The following PDE3B variants were observed in gnomAD, a reference collection of about 807,000 sequenced individuals.
PDE3B encodes phosphodiesterase 3B.
In PDE3B, 66 loss-of-function variants were observed where a neutral mutation model predicts 116.8. The observed-to-expected ratio is 0.56, with a 90% confidence interval of 0.46 to 0.69. PDE3B has a LOEUF of 0.69. Among genes scored for constraint, PDE3B ranks in the 30% least tolerant of loss-of-function variants. The pLI, the probability that PDE3B is intolerant of heterozygous loss-of-function variation, is 0.00. For synonymous variants in PDE3B, 595 were observed against 533.6 expected (o/e 1.12, Z -1.59); for missense variants, 1,384 against 1,368.1 (o/e 1.01, Z -0.18).
At chr11:14,714,041 G>T (rs1200331979) in intron 1 of PDE3B, among the ~76,000 whole-genome samples, 1 of 152,262 alleles carries the variant, frequency 6.6e-6, no homozygotes, top group Admixed American at 6.5e-5. Context: ...TGTGGTAGTG[G>T]CAGTGGCAGT....
At chr11:14,842,725 A>G (rs950901999) in intron 11 of PDE3B, among the ~76,000 whole-genome samples, 1 of 152,198 alleles carries the variant, frequency 6.6e-6, no homozygotes, top group Non-Finnish European at 1.5e-5. Context: ...CTGCACTCCA[A>G]CCTGGGCATC....
intron 5 of PDE3B, among the ~76,000 whole-genome samples, chr11:14,806,675 T>C (rs1858936397): frequency 6.6e-6 from 1 of 150,836 alleles, no homozygotes; most frequent in East Asian, 2.0e-4. Flanking sequence ...CCGGCTAAAA[T>C]GGTGAAACCC....
At position 14,843,849 on chromosome 11, in the gene PDE3B, T is replaced by C. The variant is rs1220478484; in HGVS notation, c.2343T>C (p.His781=). 11 of 1,613,800 alleles carry C rather than the reference T, an allele frequency of 6.8e-6. No individual in the cohort carries two copies. Among genetic ancestry groups the C allele is most frequent in the Non-Finnish European group, 8.5e-6 (10 of 1,179,656 alleles). The stretch of plus-strand genomic sequence containing the variant: ...CAGATTCTGATGGTAGAATTAACCA[T>C]GGGCGAATTGCTTATATTTCTTCGA... The part of the protein sequence containing the change: ...NETDSDGRIN[H]GRIAYISSKS... The change falls in exon 12 of 16, where the codon CAT becomes CAC. Residue 781 remains histidine (H), a synonymous_variant. Transcript: ENST00000282096.
At chr11:14,715,827 C>T (rs189229031) in intron 1 of PDE3B, among the ~76,000 whole-genome samples, 28 of 152,122 alleles carry the variant, frequency 1.8e-4, no homozygotes, top group Non-Finnish European at 1.5e-4. Context: ...GGCATTGCGA[C>T]ACTATTAACA....
intron 1 of PDE3B, among the ~76,000 whole-genome samples, chr11:14,700,218 A>G (rs957553133): frequency 6.6e-6 from 1 of 151,790 alleles, no homozygotes; most frequent in Non-Finnish European, 1.5e-5. Context: ...TATGAAAATT[A>G]AGAGTTTCAT....
At chr11:14,750,044 C>T (rs551613598) in intron 1 of PDE3B, among the ~76,000 whole-genome samples, 1 of 150,888 alleles carries the variant, frequency 6.6e-6, no homozygotes, top group East Asian at 2.0e-4. Context: ...TGTTTCAGTC[C>T]AGTTCTAAAG....
intron 1 of PDE3B, among the ~76,000 whole-genome samples, chr11:14,667,318 A>C (rs1006843539): frequency 5.4e-4 from 82 of 151,504 alleles, no homozygotes; most frequent in Middle Eastern, 3.4e-3. Context: ...TAGCATTAGG[A>C]GATACACCTA....
At chr11:14,862,361 AATTT>A (rs1354619239) in intron 14 of PDE3B, among the ~76,000 whole-genome samples, 3 of 152,132 alleles carry the variant, frequency 2.0e-5, no homozygotes, top group Admixed American at 2.0e-4. Flanking sequence ...AACCTAGAAG[AATTT>A]ATTTCCAGAT....
At chr11:14,888,663 A>G in the PDE3B span, among the ~76,000 whole-genome samples, 1 of 152,144 alleles carries the variant, frequency 6.6e-6, no homozygotes, top group African/African-American at 2.4e-5. Flanking sequence ...AACCAGAAAC[A>G]TTCATATTCT....
At position 14,711,495 on chromosome 11, in the gene PDE3B, G is replaced by A. The variant is rs1371497187; in HGVS notation, c.979-60442G>A. Among the ~76,000 whole-genome samples the A allele has an allele frequency of 2.0e-5, 3 of 152,260 alleles. No individual in the cohort carries two copies. In the East Asian group the frequency reaches 5.8e-4, roughly 29 times the overall value. ...GCATAGTGCTGGCATCTGCTTCTGG[G>A]GAGGCCTCAGGAAGTTTTACTCATG... is the stretch of plus-strand genomic sequence containing the variant. On this transcript the variant is annotated intron_variant, in intron 1 of 15. Coordinates refer to ENST00000282096, the MANE Select transcript of PDE3B (RefSeq NM_000922.4).
At chr11:14,763,477 A>G (rs1388286354) in intron 1 of PDE3B, among the ~76,000 whole-genome samples, 1 of 152,052 alleles carries the variant, frequency 6.6e-6, no homozygotes, top group Non-Finnish European at 1.5e-5. Context: ...GCCGGGTGAA[A>G]GTATGATCAT....
At chr11:14,890,281 C>G in the PDE3B span, among the ~76,000 whole-genome samples, 1 of 151,344 alleles carries the variant, frequency 6.6e-6, no homozygotes, top group East Asian at 1.9e-4. Flanking sequence ...GACCTCTAGT[C>G]TTATGCTTTC....
At chr11:14,726,710 G>C (rs1369559837) in intron 1 of PDE3B, among the ~76,000 whole-genome samples, 2 of 152,148 alleles carry the variant, frequency 1.3e-5, no homozygotes, top group African/African-American at 4.8e-5. Flanking sequence ...AATGCTTACA[G>C]GCTGGATTAA....
intron 1 of PDE3B, among the ~76,000 whole-genome samples, chr11:14,731,415 C>G (rs1183572505): frequency 6.6e-6 from 1 of 151,856 alleles, no homozygotes; most frequent in Non-Finnish European, 1.5e-5. Flanking sequence ...CCCGCCACCA[C>G]ACCCGGCTAC....
At chr11:14,743,463 G>C (rs780763812) in intron 1 of PDE3B, among the ~76,000 whole-genome samples, 1 of 152,212 alleles carries the variant, frequency 6.6e-6, no homozygotes, top group Non-Finnish European at 1.5e-5. Flanking sequence ...CTGGCAGCAA[G>C]AATTTCAAGC....
intron 11 of PDE3B, among the ~76,000 whole-genome samples, chr11:14,842,576 T>C (rs1399644815): frequency 6.6e-6 from 1 of 152,182 alleles, no homozygotes; most frequent in Non-Finnish European, 1.5e-5. Flanking sequence ...TTTATAATTA[T>C]TTAAAAAATA....
At chr11:14,785,462 G>T (rs1032052555) in intron 2 of PDE3B, among the ~76,000 whole-genome samples, 5 of 151,952 alleles carry the variant, frequency 3.3e-5, no homozygotes, top group African/African-American at 4.8e-5. Flanking sequence ...AAAATGTATT[G>T]GGGATACTTT....
intron 11 of PDE3B, among the ~76,000 whole-genome samples, chr11:14,840,055 A>T (rs1354315168): frequency 6.6e-6 from 1 of 152,126 alleles, no homozygotes; most frequent in Non-Finnish European, 1.5e-5. Flanking sequence ...CCAAAATACT[A>T]CTGTAAGGCT....
intron 7 of PDE3B, among the ~76,000 whole-genome samples, chr11:14,830,173 TG>T (rs1859830517): frequency 6.6e-6 from 1 of 152,192 alleles, no homozygotes; most frequent in African/African-American, 2.4e-5. Context: ...TGAATATGAA[TG>T]TTTTTTAACA....
Sources: allele counts gnomAD v4.1 joint callset (sites outside exome capture counted in the v4.1 genomes callset), GRCh38; gene constraint gnomAD v4.1.1; transcripts MANE v1.5; gene names NCBI Gene and HGNC (gene_info 2026-07-23, HGNC 2026-07-21).